Variants in SUSD5 observed in about 807,000 individuals in gnomAD.
SUSD5 encodes sushi domain-containing protein 5.
Under a neutral mutation model 29.5 loss-of-function variants are expected in SUSD5, and 33 were observed. The ratio of observed to expected loss-of-function variants is 1.12; its 90% CI spans 0.85 to 1.49. SUSD5 has a LOEUF of 1.49. Among genes scored for constraint, SUSD5 ranks in the 40% most tolerant of loss-of-function variants. The pLI, the probability that SUSD5 is intolerant of heterozygous loss-of-function variation, is 0.00. For synonymous variants in SUSD5, 308 were observed against 325.3 expected, an observed-to-expected ratio of 0.95 and a Z score of 0.57; for missense variants, 776 against 800.6, an observed-to-expected ratio of 0.97 and a Z score of 0.37.
rs1443976311 is a variant in SUSD5 at position 33,153,372 on chromosome 3, G to T, written c.1260C>A (p.Pro420=). 1 of 1,613,764 alleles carries T rather than the reference G, an allele frequency of 6.2e-7. No individual in the cohort carries two copies. The highest frequency in any genetic ancestry group is 1.7e-5 in the Admixed American group (1 of 59,992). Residue 420 remains proline, a synonymous_variant, in exon 5 of 5, where the codon CCC becomes CCA. Transcript: ENST00000309558. ...CGCTTGGTGTGAGGGTGCTACTCTT[G>T]GGCTTCTTAACTTCCACAAGAATGG... The part of the protein sequence containing the change: ...DQPILVEVKK[P]KSSTLTPSEG...
intron 2 of SUSD5, 47 bp downstream of exon 2, chr3:33,213,881 G>C (rs1222757732): frequency 6.5e-7 from 1 of 1,547,882 alleles, no homozygotes; most frequent in African/African-American, 1.4e-5. Context: ...ATAAGCCTTG[G>C]TGGTGCAACT....
rs1166466987 is a variant in SUSD5 at position 33,150,269 on chromosome 3, GTTTA to G, written c.*2469_*2472del. On this transcript the variant is annotated 3_prime_UTR_variant, in exon 5 of 5. Coordinates refer to ENST00000309558, the MANE Select transcript of SUSD5 (RefSeq NM_015551.2). ...AAGAACTTAAAAACTGATGTGTTGG[GTTTA>G]TTTCACAGTCCATGTCTACAAATAA... 1 of 151,872 alleles carries G rather than the reference GTTTA, an allele frequency of 6.6e-6. No homozygotes were observed. The highest frequency in any genetic ancestry group is 1.5e-5 in the Non-Finnish European group (1 of 67,992). 9.4% of individuals were successfully genotyped at this position (151,872 alleles called of 1,614,324 possible).
intron 3 of SUSD5, among the ~76,000 whole-genome samples, chr3:33,202,342 G>A (rs1424934344): frequency 1.3e-5 from 2 of 152,098 alleles, no homozygotes; most frequent in Admixed American, 6.6e-5. Flanking sequence ...TCTCCAGGCA[G>A]CCCTGGAAAT....
At chr3:33,181,976 T>A (rs1199309589) in intron 3 of SUSD5, among the ~76,000 whole-genome samples, 2 of 152,244 alleles carry the variant, frequency 1.3e-5, no homozygotes, top group Non-Finnish European at 2.9e-5. Context: ...TTCTTCTGTT[T>A]AATTTATATT....
intron 1 of SUSD5, among the ~76,000 whole-genome samples, chr3:33,215,562 T>C (rs1466670479): frequency 6.6e-6 from 1 of 152,184 alleles, no homozygotes; most frequent in Non-Finnish European, 1.5e-5. Context: ...AACTCTATGA[T>C]ATAGGTGGTA....
At chr3:33,164,456 C>A (rs1239643675) in intron 4 of SUSD5, among the ~76,000 whole-genome samples, 3 of 152,098 alleles carry the variant, frequency 2.0e-5, no homozygotes, top group Non-Finnish European at 4.4e-5. Context: ...TATCTGCACA[C>A]TTGAAGATGG....
At chr3:33,214,591 C>G (rs1409504525) in intron 1 of SUSD5, among the ~76,000 whole-genome samples, 1 of 152,092 alleles carries the variant, frequency 6.6e-6, no homozygotes, top group African/African-American at 2.4e-5. Flanking sequence ...GCCCCTTTCA[C>G]AATAAATTCA....
At chr3:33,205,206 T>C (rs2032195037) in intron 3 of SUSD5, among the ~76,000 whole-genome samples, 2 of 152,206 alleles carry the variant, frequency 1.3e-5, no homozygotes, top group African/African-American at 4.8e-5. Flanking sequence ...AATACTATTA[T>C]TTAATTCATA....
intron 3 of SUSD5, among the ~76,000 whole-genome samples, chr3:33,196,854 G>A (rs542180671): frequency 2.0e-5 from 3 of 152,272 alleles, no homozygotes; most frequent in African/African-American, 7.2e-5. Flanking sequence ...ATATTCAAGA[G>A]TAAGAAGAAA....
chr3:33,174,124 C>T (rs540253544), intron 4 of SUSD5, among the ~76,000 whole-genome samples: 99 of 152,284 alleles, frequency 6.5e-4, no homozygotes, highest in African/African-American at 2.2e-3. Flanking sequence ...ATTCAGACTC[C>T]ACAGGTCACT....
At chr3:33,191,105 C>G (rs2031881004) in intron 3 of SUSD5, among the ~76,000 whole-genome samples, 1 of 151,904 alleles carries the variant, frequency 6.6e-6, no homozygotes, top group Non-Finnish European at 1.5e-5. Context: ...TCCTGTGATG[C>G]CCTGTGCATA....
Position 33,153,758 on chromosome 3 carries a change from G to T in SUSD5, c.874C>A (p.His292Asn). The change falls in exon 5 of 5, where the codon CAC becomes AAC. Residue 292 changes from histidine (H) to asparagine (N), a missense_variant. Transcript: ENST00000309558. ...GCCTCAGCAGGAAACCAGAACAAGTGCTTCTGGAGCAGCCGTGATCCTGGT... is the reference window on the plus strand; with the variant it reads ...GCCTCAGCAGGAAACCAGAACAAGTTCTTCTGGAGCAGCCGTGATCCTGGT... ...DSPGSRLLQKHLFWFPAEAFH... is the reference protein window; with the variant it reads ...DSPGSRLLQKNLFWFPAEAFH... The T allele has an allele frequency of 1.9e-6, 3 of 1,614,064 alleles. No homozygotes were observed. The highest frequency in any genetic ancestry group is 2.5e-6 in the Non-Finnish European group (3 of 1,179,908).
At chr3:33,163,490 A>C (rs1387755162) in intron 4 of SUSD5, among the ~76,000 whole-genome samples, 2 of 152,200 alleles carry the variant, frequency 1.3e-5, no homozygotes, top group Middle Eastern at 3.2e-3. Flanking sequence ...CAACAAGATA[A>C]AAACCCTTAG....
At chr3:33,164,511 T>C (rs983615190) in intron 4 of SUSD5, among the ~76,000 whole-genome samples, 2 of 152,160 alleles carry the variant, frequency 1.3e-5, no homozygotes, top group Non-Finnish European at 2.9e-5. Flanking sequence ...TCACAATTTT[T>C]TTAAAAAGGG....
At chr3:33,175,399 T>C (rs562298745) in intron 3 of SUSD5, among the ~76,000 whole-genome samples, 1 of 152,298 alleles carries the variant, frequency 6.6e-6, no homozygotes, top group South Asian at 2.1e-4. Context: ...AAGCTCCTTT[T>C]TGCCGTATTT....
intron 2 of SUSD5, among the ~76,000 whole-genome samples, chr3:33,208,670 TG>T (rs2125632694): frequency 6.6e-6 from 1 of 152,286 alleles, no homozygotes; most frequent in South Asian, 2.1e-4. Context: ...TGTATTGATT[TG>T]GAAGTTAAAT....
intron 3 of SUSD5, among the ~76,000 whole-genome samples, chr3:33,207,358 C>T (rs565076856): frequency 1.1e-4 from 17 of 152,286 alleles, no homozygotes; most frequent in African/African-American, 4.1e-4. Context: ...GGCACCTTTG[C>T]CTCTTTGTTG....
At chr3:33,181,564 G>A (rs2031674603) in intron 3 of SUSD5, among the ~76,000 whole-genome samples, 1 of 151,824 alleles carries the variant, frequency 6.6e-6, no homozygotes, top group Non-Finnish European at 1.5e-5. Context: ...GGAGAGACAG[G>A]GTTTCCATAT....
At chr3:33,181,230 G>A (rs1023960284) in intron 3 of SUSD5, among the ~76,000 whole-genome samples, 1 of 152,036 alleles carries the variant, frequency 6.6e-6, no homozygotes, top group African/African-American at 2.4e-5. Context: ...GTCTGCAGTA[G>A]TATACAGTAA....
Sources: allele counts gnomAD v4.1 joint callset (sites outside exome capture counted in the v4.1 genomes callset), GRCh38; gene constraint gnomAD v4.1.1; transcripts MANE v1.5; gene names NCBI Gene and HGNC (gene_info 2026-07-23, HGNC 2026-07-21).